Variants in SLC28A1 observed in about 807,000 individuals in gnomAD.
SLC28A1 encodes sodium/nucleoside cotransporter 1.
Under a neutral mutation model 74.8 loss-of-function variants are expected in SLC28A1, and 64 were observed. The ratio of observed to expected loss-of-function variants is 0.86; its 90% CI spans 0.70 to 1.05. The LOEUF (loss-of-function observed/expected upper bound fraction) is 1.05. Ranked by LOEUF, SLC28A1 falls within the 50% of genes least tolerant of loss-of-function variation. The pLI, the probability that SLC28A1 is intolerant of heterozygous loss-of-function variation, is 0.00. For missense variants in SLC28A1, 828 were observed against 822.8 expected (o/e 1.01, Z -0.08); for synonymous variants, 359 against 335.0 (o/e 1.07, Z -0.78).
At chr15:84,904,543 C>T (rs1256268201) in intron 7 of SLC28A1, among the ~76,000 whole-genome samples, 1 of 152,328 alleles carries the variant, frequency 6.6e-6, no homozygotes, top group East Asian at 1.9e-4. Context: ...CCTCCACCCC[C>T]AACCACAGAA....
At chr15:84,893,436 C>T (rs765845259) in intron 5 of SLC28A1, among the ~76,000 whole-genome samples, 1 of 152,230 alleles carries the variant, frequency 6.6e-6, no homozygotes, top group Non-Finnish European at 1.5e-5. Flanking sequence ...CACAAGCTTC[C>T]ATGTGAGAGA....
In SLC28A1 at chr15:84,890,488, G is replaced by A. The variant is rs1238430640; in HGVS notation, c.231G>A (p.Glu77=). The change falls in exon 5 of 19, where the codon GAG becomes GAA. Residue 77 remains glutamate, a synonymous_variant. Coordinates refer to ENST00000394573, the MANE Select transcript of SLC28A1 (RefSeq NM_004213.5). ...TGAGAGCCAGAAGCTTCTGCAGGGA[G>A]CACATGCAGCTGTTTCGATGGATCG... ...PALRARSFCR[E]HMQLFRWIGT... is the part of the protein sequence containing the mutation. 6.2e-7 allele frequency: 1 copy of A among 1,611,248 alleles called. No homozygotes were observed. Among genetic ancestry groups the A allele is most frequent in the Non-Finnish European group, 8.5e-7 (1 of 1,179,714 alleles).
intron 12 of SLC28A1, among the ~76,000 whole-genome samples, chr15:84,928,595 T>TCTCTCTCC (rs1567172558): frequency 6.6e-5 from 1 of 15,186 alleles, no homozygotes; most frequent in Admixed American, 5.4e-4. Flanking sequence ...TCTTTCTTTC[T>TCTCTCTCC]TTCTTTCTTT....
At chr15:84,900,608 G>A (rs1241125878) in intron 6 of SLC28A1, among the ~76,000 whole-genome samples, 4 of 151,936 alleles carry the variant, frequency 2.6e-5, no homozygotes, top group Admixed American at 1.3e-4. Flanking sequence ...AGACCAGCCC[G>A]AGTAACATCA....
intron 8 of SLC28A1, among the ~76,000 whole-genome samples, chr15:84,907,737 T>C (rs1967451413): frequency 6.6e-6 from 1 of 152,226 alleles, no homozygotes; most frequent in African/African-American, 2.4e-5. Flanking sequence ...TATGTTAATC[T>C]ACTCACCTCC....
intron 9 of SLC28A1, among the ~76,000 whole-genome samples, chr15:84,914,604 G>T (rs1012820740): frequency 3.9e-5 from 6 of 152,196 alleles, no homozygotes; most frequent in Admixed American, 1.3e-4. Context: ...ATCCACCACA[G>T]ATGCTATGAG....
chr15:84,930,022 C>G (rs761491424), intron 12 of SLC28A1, among the ~76,000 whole-genome samples: 3 of 152,186 alleles, frequency 2.0e-5, no homozygotes, highest in Non-Finnish European at 4.4e-5. Flanking sequence ...CCCAGGGAGC[C>G]CTGCCTGTGC....
chr15:84,906,538 TTCTTTCTTTCTTTCTTTCTTTCTTTC>T (rs763230917), intron 8 of SLC28A1, among the ~76,000 whole-genome samples: 8,556 of 70,806 alleles, frequency 0.12, 516 homozygotes, highest in Admixed American at 0.15. Flanking sequence ...GTTTCTTTCT[TTCTTTCTTTCTTTCTTTCTTTCTTTC>T]TCTTTCTTTC....
At chr15:84,912,808 A>ACACG (rs1968515101) in intron 9 of SLC28A1, among the ~76,000 whole-genome samples, 1 of 50,878 alleles carries the variant, frequency 2.0e-5, no homozygotes, top group Non-Finnish European at 4.5e-5. Context: ...GCGCGCGCGC[A>ACACG]CACACACACA....
the SLC28A1 span, among the ~76,000 whole-genome samples, chr15:84,960,901 A>T: frequency 1.7e-3 from 262 of 152,080 alleles, 1 homozygote; most frequent in South Asian, 4.2e-3. Flanking sequence ...AACAGTGCTA[A>T]CTACAGGTGC....
At chr15:84,966,952 A>G in the SLC28A1 span, among the ~76,000 whole-genome samples, 1 of 150,278 alleles carries the variant, frequency 6.7e-6, no homozygotes, top group African/African-American at 2.5e-5. Flanking sequence ...TTTTATTTTT[A>G]TTTTTTTTAA....
At chr15:84,924,414 G>A (rs1270396584) in intron 12 of SLC28A1, among the ~76,000 whole-genome samples, 1 of 152,116 alleles carries the variant, frequency 6.6e-6, no homozygotes, top group African/African-American at 2.4e-5. Context: ...TCCAGAGTAA[G>A]TGAGATGCCC....
intron 5 of SLC28A1, among the ~76,000 whole-genome samples, chr15:84,893,380 C>A (rs1004177779): frequency 2.0e-5 from 3 of 152,216 alleles, no homozygotes; most frequent in African/African-American, 7.2e-5. Context: ...CTGTGGGGCT[C>A]CACCCGTGTG....
chr15:84,909,529 G>A (rs1448466564), intron 9 of SLC28A1, among the ~76,000 whole-genome samples: 1 of 152,214 alleles, frequency 6.6e-6, no homozygotes, highest in Non-Finnish European at 1.5e-5. Flanking sequence ...GATGCTACTG[G>A]TGGGACTGCT....
chr15:84,908,269 T>C (rs1481733628), intron 8 of SLC28A1, among the ~76,000 whole-genome samples: 5 of 141,206 alleles, frequency 3.5e-5, no homozygotes, highest in South Asian at 4.6e-4. Context: ...CTGCAACCTC[T>C]GCCTCCCGGG....
At chr15:84,914,744 C>T (rs4980346) in intron 9 of SLC28A1, among the ~76,000 whole-genome samples, 51,785 of 151,986 alleles carry the variant, frequency 0.34, 9,511 homozygotes, top group Middle Eastern at 0.49. Context: ...CCCTGTTCTG[C>T]CACCTCACAT....
chr15:84,895,737 C>CA lies in SLC28A1; in HGVS notation c.461+620dup, dbSNP rs546535936. ...TGTGTTTTATAAGCCAAGGTTCACA[C>CA]AAAAAAGAAAATTCGCTGGGGGAAA... On this transcript the variant is annotated intron_variant, in intron 6 of 18. Transcript: ENST00000394573. The CA allele has an allele frequency of 4.8e-4, 598 of 1,245,556 alleles. 1 individual carries two copies. In the African/African-American group the frequency reaches 8.1e-3, roughly 17 times the overall value. The allele number at this position is 1,245,556 out of a possible 1,614,324, so 77.2% of individuals were successfully genotyped here. A position where few individuals can be genotyped will look rare whatever the true frequency, so the allele number is the denominator to read the frequency against.
chr15:84,935,478 G>A lies in SLC28A1; in HGVS notation c.1541G>A (p.Gly514Glu), dbSNP rs1971772342. ...AAGTACAAGCAACGCCGCCTGGCAGGGGCCGAGGAGTGGGTCGGCGACAGG... is the reference window on the plus strand; with the variant it reads ...AAGTACAAGCAACGCCGCCTGGCAGAGGCCGAGGAGTGGGTCGGCGACAGG... ...LSKYKQRRLA[G>E]AEEWVGDRKQ... The change falls in exon 15 of 19, where the codon GGG (glycine) becomes GAG (glutamate). Residue 514 changes from glycine (G) to glutamate (E), a missense_variant. Around this residue, in one of 3 missense-constraint regions of SLC28A1, gnomAD observed 767 missense variants for 753.5 expected, o/e 1.02. Coordinates refer to ENST00000394573, the MANE Select transcript of SLC28A1 (RefSeq NM_004213.5). 6.2e-7 allele frequency: 1 copy of A among 1,613,992 alleles called. No individual in the cohort carries two copies. Among genetic ancestry groups the A allele is most frequent in the Non-Finnish European group, 8.5e-7 (1 of 1,180,008 alleles).
the SLC28A1 span, among the ~76,000 whole-genome samples, chr15:84,967,311 CATT>C: frequency 6.6e-6 from 1 of 152,190 alleles, no homozygotes; most frequent in Non-Finnish European, 1.5e-5. Flanking sequence ...GAGTGGCTGA[CATT>C]ATGGTAAACT....
Sources: gnomAD v4.1 joint callset for allele counts (sites outside exome capture counted in the v4.1 genomes callset) on GRCh38, gnomAD v4.1.1 for gene constraint, gnomAD v4.1.1 regional missense constraint, MANE v1.5 for transcripts, NCBI Gene and HGNC (gene_info 2026-07-23, HGNC 2026-07-21) for gene names.